The following RECK variants were observed in gnomAD, a reference collection of about 807,000 sequenced individuals.
The protein encoded by RECK is reversion-inducing cysteine-rich protein with Kazal motifs.
In RECK, 69 loss-of-function variants were observed where a neutral mutation model predicts 115.1. The ratio of observed to expected loss-of-function variants is 0.60; its 90% confidence interval spans 0.49 to 0.73. RECK has a LOEUF of 0.73. Ranked by LOEUF, RECK falls within the 30% of genes least tolerant of loss-of-function variation. RECK has a pLI of 0.00. For synonymous variants in RECK, 414 were observed against 419.7 expected (o/e 0.99, Z 0.17); for missense variants, 1,047 against 1,203.7 (o/e 0.87, Z 1.93).
chr9:36,083,226 C>T (rs1822799900), intron 7 of RECK, 139 bp from the exon 8 acceptor site: 5 of 838,738 alleles, frequency 6.0e-6, no homozygotes, highest in South Asian at 1.8e-5. Flanking sequence ...ACAGAAGTGC[C>T]GATTTTAAGT....
chr9:36,083,524 A>G lies in RECK; in HGVS notation c.599A>G (p.Asn200Ser), dbSNP rs774567853. 6.2e-7 allele frequency: 1 copy of G among 1,613,920 alleles called. No individual in the cohort carries two copies. The highest frequency in any genetic ancestry group is 8.5e-7 in the Non-Finnish European group (1 of 1,179,874). Residue 200 changes from asparagine to serine, a missense_variant, in exon 8 of 21, where the codon AAT becomes AGT. By Grantham distance (46) the Asn-to-Ser change is conservative. Coordinates refer to ENST00000377966, the MANE Select transcript of RECK (RefSeq NM_021111.3). ...ISPQLIHCVN[N>S]YTQSYPMRNP... ...CCACAATTAATACATTGTGTGAACA[A>G]TTATACTCAATCTTATCCAATGAGG...
rs1823101524 is a variant in RECK at position 36,089,981 on chromosome 9, CACA to C, written c.906-1182_906-1180del. Among the ~76,000 whole-genome samples the C allele has an allele frequency of 2.6e-5, 4 of 151,344 alleles. No homozygotes were observed. The South Asian group carries it at 8.4e-4, about 32-fold the overall frequency. On this transcript the variant is annotated intron_variant, in intron 9 of 20. Coordinates refer to ENST00000377966, the MANE Select transcript of RECK (RefSeq NM_021111.3). ...TCTACTAAAAATACACACACACACA[CACA>C]CACACACACACACACACACAAATTA...
Position 36,080,655 on chromosome 9 carries a change from A to G in RECK, c.439+17A>G, listed in dbSNP as rs1295447567. ...GAAATGAAAGTAAGTATATTTGTCA[A>G]TGGTTGTACAAACAGTCCAAAGATA... On this transcript the variant is annotated intron_variant, in intron 7 of 20. Transcript: ENST00000377966. The G allele has an allele frequency of 1.2e-5, 19 of 1,607,760 alleles. No homozygotes were observed. The highest frequency in any genetic ancestry group is 5.5e-5 in the South Asian group (5 of 90,690).
intron 8 of RECK, among the ~76,000 whole-genome samples, chr9:36,084,007 A>G (rs931678341): frequency 1.3e-5 from 2 of 152,228 alleles, no homozygotes; most frequent in Non-Finnish European, 2.9e-5. Context: ...CCAAACATCC[A>G]TCAATACAGC....
intron 2 of RECK, among the ~76,000 whole-genome samples, chr9:36,053,857 G>A (rs559181826): frequency 1.3e-5 from 2 of 152,222 alleles, no homozygotes; most frequent in East Asian, 3.9e-4. Context: ...CCCCAACCAA[G>A]TTCTTAACTA....
chr9:36,102,218 G>A lies in RECK; in HGVS notation c.1423G>A (p.Asp475Asn), dbSNP rs148890313. Residue 475 changes from aspartate to asparagine, a missense_variant, in exon 12 of 21, where the codon GAT becomes AAT. Asp to Asn is a conservative substitution (Grantham distance 23). Coordinates refer to ENST00000377966, the MANE Select transcript of RECK (RefSeq NM_021111.3). ...TGATCTGAAGAATTGTATACCTTTG[G>A]ATACATACCTCAGTAAGTACTTTTT... ...TDDLKNCIPLDTYLRPSTLGN... is the reference protein window; with the variant it reads ...TDDLKNCIPLNTYLRPSTLGN... 1.6e-5 allele frequency: 26 copies of A among 1,606,144 alleles called. No individual in the cohort carries two copies. The African/African-American group carries it at 3.2e-4, about 20-fold the overall frequency.
intron 2 of RECK, among the ~76,000 whole-genome samples, chr9:36,052,951 T>C (rs1821367335): frequency 6.6e-6 from 1 of 152,148 alleles, no homozygotes; most frequent in Non-Finnish European, 1.5e-5. Context: ...CTGAATTTGG[T>C]GATTATATTG....
intron 10 of RECK, among the ~76,000 whole-genome samples, chr9:36,097,616 T>TG (rs958566758): frequency 1.2e-4 from 19 of 152,238 alleles, no homozygotes; most frequent in East Asian, 7.7e-4. Flanking sequence ...GGAAACAGTA[T>TG]GGGGGGTCCT....
chr9:36,089,146 T>G (rs1179450641), intron 9 of RECK, among the ~76,000 whole-genome samples: 4 of 152,154 alleles, frequency 2.6e-5, no homozygotes, highest in Non-Finnish European at 5.9e-5. Flanking sequence ...GAAATTAAAT[T>G]AGGCTTGTAA....
chr9:36,047,214 G>C (rs1473704238), intron 1 of RECK, among the ~76,000 whole-genome samples: 1 of 152,200 alleles, frequency 6.6e-6, no homozygotes, highest in Non-Finnish European at 1.5e-5. Flanking sequence ...ACTCAGGAGA[G>C]CCTTTTTTCC....
intron 1 of RECK, among the ~76,000 whole-genome samples, chr9:36,046,353 ATTC>A (rs1297499511): frequency 6.6e-6 from 1 of 152,230 alleles, no homozygotes; most frequent in African/African-American, 2.4e-5. Flanking sequence ...TTGCATTTGA[ATTC>A]TTCTCCCATT....
At chr9:36,106,272 T>C (rs1823812146) in intron 13 of RECK, among the ~76,000 whole-genome samples, 1 of 151,540 alleles carries the variant, frequency 6.6e-6, no homozygotes, top group African/African-American at 2.4e-5. Flanking sequence ...TTCACTCTTG[T>C]TACCCAGGCT....
chr9:36,083,973 T>A (rs758468362), intron 8 of RECK, among the ~76,000 whole-genome samples: 8 of 152,124 alleles, frequency 5.3e-5, no homozygotes, highest in Non-Finnish European at 1.2e-4. Context: ...AATGCTGGTA[T>A]AATAGAGAAA....
At position 36,118,356 on chromosome 9, in the gene RECK, T is replaced by G. The variant is rs1049375572; in HGVS notation, c.2254-401T>G. 1.3e-4 allele frequency among the ~76,000 whole-genome samples: 20 copies of G among 152,220 alleles called. No individual in the cohort carries two copies. In the East Asian group the frequency reaches 3.5e-3, roughly 26 times the overall value. ...CTCCCCCAACTCCTCCCTCTCCTTA[T>G]CCCATACCCAGCATGAAATGATAAG... is the stretch of plus-strand genomic sequence containing the variant. On this transcript the variant is annotated intron_variant, in intron 17 of 20. Coordinates refer to ENST00000377966, the MANE Select transcript of RECK (RefSeq NM_021111.3).
intron 16 of RECK, among the ~76,000 whole-genome samples, chr9:36,114,769 C>T (rs373118666): frequency 4.6e-5 from 7 of 151,906 alleles, no homozygotes; most frequent in African/African-American, 1.5e-4. Flanking sequence ...TGCTTGAACC[C>T]GGGAGACAGA....
intron 16 of RECK, among the ~76,000 whole-genome samples, chr9:36,115,899 C>G (rs1366094114): frequency 6.6e-6 from 1 of 151,896 alleles, no homozygotes; most frequent in Non-Finnish European, 1.5e-5. Context: ...TTATGTAAAC[C>G]CTTTATAAAA....
intron 2 of RECK, among the ~76,000 whole-genome samples, chr9:36,056,592 C>G (rs1231993630): frequency 7.2e-5 from 11 of 152,198 alleles, no homozygotes; most frequent in Non-Finnish European, 1.3e-4. Context: ...ATGACACTTT[C>G]TACAATGATG....
At chr9:36,057,828 TAAATA>T (rs953100070) in intron 2 of RECK, among the ~76,000 whole-genome samples, 2 of 151,910 alleles carry the variant, frequency 1.3e-5, no homozygotes, top group South Asian at 2.1e-4. Flanking sequence ...CTTAAAAAAA[TAAATA>T]AAATAAAAGA....
At chr9:36,110,928 G>A (rs1379814009) in intron 15 of RECK, among the ~76,000 whole-genome samples, 1 of 152,106 alleles carries the variant, frequency 6.6e-6, no homozygotes, top group Non-Finnish European at 1.5e-5. Flanking sequence ...TAAGGAAGTA[G>A]AGGTAGGACG....
Sources: gnomAD v4.1 joint callset for allele counts (sites outside exome capture counted in the v4.1 genomes callset) on GRCh38, gnomAD v4.1.1 for gene constraint, MANE v1.5 for transcripts, NCBI Gene and HGNC (gene_info 2026-07-23, HGNC 2026-07-21) for gene names.